Variants in DTNA observed in about 807,000 individuals in gnomAD.
The protein encoded by DTNA is dystrophin-related protein 3.
DTNA carries 43 observed loss-of-function variants against 100.7 expected under a neutral mutation model. That is an observed-to-expected ratio of 0.43 (90% CI 0.33 to 0.55). The LOEUF (loss-of-function observed/expected upper bound fraction) is 0.55. Among genes scored for constraint, DTNA ranks in the 20% least tolerant of loss-of-function variants. DTNA has a pLI of 0.04. For missense variants in DTNA, 798 were observed against 953.9 expected, an observed-to-expected ratio of 0.84 and a Z score of 2.15; for synonymous variants, 349 against 347.9, an observed-to-expected ratio of 1.00 and a Z score of -0.04.
chr18:34,888,823 G>T lies in DTNA; in HGVS notation c.*1089G>T. The T allele has an allele frequency of 4.1e-6, 4 of 985,890 alleles. No homozygotes were observed. Among genetic ancestry groups the T allele is most frequent in the Non-Finnish European group, 4.8e-6 (4 of 829,946 alleles). 61.1% of individuals were successfully genotyped at this position (985,890 alleles called of 1,614,324 possible). On this transcript the variant is annotated 3_prime_UTR_variant, in exon 23 of 23. Transcript: ENST00000444659. ...TGTTTGGAGGCCTTCAGCTTTAAAT[G>T]TACAGGCTTAAAGTGCGCTTGCAAA...
intron 1 of DTNA, among the ~76,000 whole-genome samples, chr18:34,520,362 C>A (rs776530200): frequency 2.6e-5 from 4 of 152,052 alleles, no homozygotes; most frequent in Non-Finnish European, 4.4e-5. Context: ...TTTAAAAAAT[C>A]TTCCCAGGGC....
chr18:34,858,066 C>A (rs2096573980), intron 15 of DTNA, among the ~76,000 whole-genome samples: 1 of 152,146 alleles, frequency 6.6e-6, no homozygotes, highest in African/African-American at 2.4e-5. Context: ...TTTGGATGTA[C>A]TGGAAATGAA....
chr18:34,814,595 G>A (rs2095555668), intron 6 of DTNA, among the ~76,000 whole-genome samples: 1 of 152,026 alleles, frequency 6.6e-6, no homozygotes, highest in African/African-American at 2.4e-5. Context: ...GGGAGGCTGA[G>A]ATGAGAGGAT....
chr18:34,759,488 G>A (rs9966053), intron 2 of DTNA, among the ~76,000 whole-genome samples: 4,988 of 152,186 alleles, frequency 0.033, 287 homozygotes, highest in African/African-American at 0.11. Flanking sequence ...AAGCCGATTG[G>A]GCACAGGATG....
intron 1 of DTNA, among the ~76,000 whole-genome samples, chr18:34,659,359 T>C (rs1451128529): frequency 6.6e-6 from 1 of 152,224 alleles, no homozygotes; most frequent in Non-Finnish European, 1.5e-5. Context: ...TTTTGTACTG[T>C]ATGCTTGAAA....
chr18:34,503,086 T>C (rs1259176869), intron 1 of DTNA, among the ~76,000 whole-genome samples: 1 of 152,190 alleles, frequency 6.6e-6, no homozygotes, highest in East Asian at 1.9e-4. Context: ...ATATTGACTT[T>C]ATTATTAAAT....
At chr18:34,660,601 C>A (rs2075049280) in intron 1 of DTNA, among the ~76,000 whole-genome samples, 1 of 152,022 alleles carries the variant, frequency 6.6e-6, no homozygotes, top group South Asian at 2.1e-4. Context: ...GAGTCTGGCA[C>A]CTTTTTAAGT....
At chr18:34,682,426 G>A (rs1158392758) in intron 1 of DTNA, among the ~76,000 whole-genome samples, 3 of 152,120 alleles carry the variant, frequency 2.0e-5, no homozygotes, top group African/African-American at 7.2e-5. Context: ...ATAAAAATAT[G>A]TTTAGTTTTG....
At chr18:34,840,096 C>T (rs2096240964) in intron 13 of DTNA, among the ~76,000 whole-genome samples, 1 of 152,104 alleles carries the variant, frequency 6.6e-6, no homozygotes, top group Non-Finnish European at 1.5e-5. Flanking sequence ...AACTGATGAA[C>T]ATTTATGTGC....
intron 1 of DTNA, among the ~76,000 whole-genome samples, chr18:34,619,921 T>C (rs1212719825): frequency 6.6e-6 from 1 of 152,166 alleles, no homozygotes; most frequent in Non-Finnish European, 1.5e-5. Context: ...ATGATTTTGG[T>C]TGAGAAAAAG....
At chr18:34,548,546 GT>G (rs918166663) in intron 1 of DTNA, among the ~76,000 whole-genome samples, 2 of 152,064 alleles carry the variant, frequency 1.3e-5, no homozygotes, top group African/African-American at 4.8e-5. Flanking sequence ...AAAATATTAA[GT>G]GATTAAAAAG....
At chr18:34,498,752 C>T (rs1057348324) in intron 1 of DTNA, among the ~76,000 whole-genome samples, 2 of 152,058 alleles carry the variant, frequency 1.3e-5, no homozygotes, top group Admixed American at 1.3e-4. Flanking sequence ...ATGTGCGTAT[C>T]TTTTCTTGTC....
At chr18:34,836,870 C>T (rs909739237) in intron 11 of DTNA, among the ~76,000 whole-genome samples, 5 of 151,942 alleles carry the variant, frequency 3.3e-5, no homozygotes, top group Admixed American at 6.6e-5. Context: ...TTAATATACA[C>T]TATTATAAAG....
intron 1 of DTNA, among the ~76,000 whole-genome samples, chr18:34,747,548 G>A (rs1040041020): frequency 6.6e-6 from 1 of 152,030 alleles, no homozygotes; most frequent in Non-Finnish European, 1.5e-5. Flanking sequence ...TTATGCCTTT[G>A]CATCCTCATA....
intron 20 of DTNA, among the ~76,000 whole-genome samples, chr18:34,880,520 G>T (rs1180718050): frequency 6.6e-6 from 1 of 152,198 alleles, no homozygotes; most frequent in African/African-American, 2.4e-5. Context: ...CCCAAAAGCT[G>T]GGGGAGGGAG....
rs778413314 is a variant in DTNA at position 34,794,166 on chromosome 18, A to G, written c.278A>G (p.Asn93Ser). ...AVLSTIFYQL[N>S]KRMPTTHQIH... ...CTCTCCACTATTTTTTACCAGCTCA[A>G]CAAACGGATGCCAACCACTCACCAA... The change falls in exon 4 of 23, where the codon AAC (asparagine) becomes AGC (serine). Residue 93 changes from asparagine to serine, a missense_variant. Around this residue, in one of 6 missense-constraint regions of DTNA, gnomAD observed 197 missense variants for 215.4 expected, o/e 0.91. Coordinates refer to ENST00000444659, the MANE Select transcript of DTNA (RefSeq NM_001386795.1). 9.9e-6 allele frequency: 16 copies of G among 1,614,174 alleles called. No homozygotes were observed. Among genetic ancestry groups the G allele is most frequent in the Non-Finnish European group, 1.4e-5 (16 of 1,180,016 alleles).
intron 1 of DTNA, among the ~76,000 whole-genome samples, chr18:34,702,692 AT>A (rs1055443619): frequency 9.9e-5 from 15 of 152,042 alleles, no homozygotes; most frequent in East Asian, 9.7e-4. Context: ...TAAACACAGC[AT>A]TTTTTTCTCT....
At chr18:34,590,620 A>G (rs1387681992) in intron 1 of DTNA, among the ~76,000 whole-genome samples, 1 of 152,188 alleles carries the variant, frequency 6.6e-6, no homozygotes, top group African/African-American at 2.4e-5. Context: ...AACGGTGCTA[A>G]TAGAGTCTAT....
At position 34,882,901 on chromosome 18, in the gene DTNA, A is replaced by G. The variant is rs182306006; in HGVS notation, c.2295+700A>G. On this transcript the variant is annotated intron_variant, in intron 21 of 22. Transcript: ENST00000444659. ...GAATTATTTGCCCTCAGTCTTCCTC[A>G]TTGCCCACCTCATGCCAAGTGTAAG... 4.6e-5 allele frequency among the ~76,000 whole-genome samples: 7 copies of G among 152,336 alleles called. No individual in the cohort carries two copies. In the East Asian group the frequency reaches 1.3e-3, roughly 29 times the overall value.
Sources: allele counts gnomAD v4.1 joint callset (sites outside exome capture counted in the v4.1 genomes callset), GRCh38; gene constraint gnomAD v4.1.1; regional missense constraint gnomAD v4.1.1; transcripts MANE v1.5; gene names NCBI Gene and HGNC (gene_info 2026-07-23, HGNC 2026-07-21).